The following ME3 variants were observed in gnomAD, a reference collection of about 807,000 sequenced individuals.
The protein encoded by ME3 is malic enzyme 3, also known as NADP-dependent malic enzyme, mitochondrial.
A neutral mutation model predicts 68.9 loss-of-function variants in ME3; 48 were observed. The ratio of observed to expected loss-of-function variants is 0.70; its 90% CI spans 0.55 to 0.89. The LOEUF (loss-of-function observed/expected upper bound fraction) is 0.89, where lower values mean the gene tolerates loss of function less well. Ranked by LOEUF, ME3 falls within the 40% of genes least tolerant of loss-of-function variation. ME3 has a pLI of 0.00. For missense variants in ME3, 675 were observed against 797.4 expected, an observed-to-expected ratio of 0.85 and a Z score of 1.85; for synonymous variants, 320 against 318.8, an observed-to-expected ratio of 1.00 and a Z score of -0.04.
chr11:86,652,981 A>C (rs895971941), intron 2 of ME3, among the ~76,000 whole-genome samples: 2 of 152,164 alleles, frequency 1.3e-5, no homozygotes, highest in African/African-American at 2.4e-5. Context: ...ACCAACAAAA[A>C]TCAAAAGAGA....
At position 86,510,702 on chromosome 11, in the gene ME3, C is replaced by T. The variant is rs1354301523; in HGVS notation, c.468-1835G>A. Reference sequence around the variant, plus strand: ...GCACCTCTCACTACATTGTGACAACCAAGAATATCTCCAGACGTTGGCAAA... The same window carrying T: ...GCACCTCTCACTACATTGTGACAACTAAGAATATCTCCAGACGTTGGCAAA... On this transcript the variant is annotated intron_variant, in intron 4 of 14. Transcript: ENST00000543262. Among the ~76,000 whole-genome samples the T allele has an allele frequency of 2.0e-5, 3 of 152,128 alleles. No individual in the cohort carries two copies. In the South Asian group the frequency reaches 6.2e-4, roughly 32 times the overall value.
intron 2 of ME3, among the ~76,000 whole-genome samples, chr11:86,597,931 C>G (rs998870790): frequency 2.6e-5 from 4 of 152,030 alleles, no homozygotes; most frequent in African/African-American, 9.7e-5. Flanking sequence ...ATGTTTTTAA[C>G]TGGCAATTGG....
intron 2 of ME3, among the ~76,000 whole-genome samples, chr11:86,619,558 T>C (rs2135255898): frequency 6.6e-6 from 1 of 152,324 alleles, no homozygotes; most frequent in African/African-American, 2.4e-5. Context: ...ACTGTTCTAG[T>C]GGTGGTGAAT....
At chr11:86,608,970 G>A (rs192160458) in intron 2 of ME3, among the ~76,000 whole-genome samples, 2 of 152,260 alleles carry the variant, frequency 1.3e-5, no homozygotes, top group East Asian at 1.9e-4. Context: ...CAATGATTGA[G>A]CTCTTATGTG....
chr11:86,598,614 C>A (rs982452430), intron 2 of ME3, among the ~76,000 whole-genome samples: 2 of 152,024 alleles, frequency 1.3e-5, no homozygotes, highest in Non-Finnish European at 2.9e-5. Flanking sequence ...TCCCAGCATG[C>A]AGCTGGAGAT....
chr11:86,616,137 GTAAAT>G (rs952862886), intron 2 of ME3, among the ~76,000 whole-genome samples: 2 of 152,098 alleles, frequency 1.3e-5, no homozygotes, highest in African/African-American at 2.4e-5. Flanking sequence ...ACCCATTTTG[GTAAAT>G]ATCTTTTTAA....
At chr11:86,541,047 C>A (rs149909233) in intron 4 of ME3, among the ~76,000 whole-genome samples, 394 of 152,260 alleles carry the variant, frequency 2.6e-3, no homozygotes, top group African/African-American at 8.5e-3. Context: ...TCAGGGAACT[C>A]CCTCCCCTAG....
At chr11:86,450,057 TTTATC>T (rs1949545487) in intron 9 of ME3, 55 bp from the exon 10 acceptor site, 2 of 1,370,016 alleles carry the variant, frequency 1.5e-6, no homozygotes. Context: ...CTGCTGAACA[TTTATC>T]TGATGTCTTG....
At chr11:86,442,988 T>C (rs1949088319) in intron 13 of ME3, 69 bp from the exon 14 acceptor site, 6 of 1,266,970 alleles carry the variant, frequency 4.7e-6, no homozygotes, top group Non-Finnish European at 6.8e-6. Flanking sequence ...CCCAACCCGT[T>C]ACCCCAGAGA....
chr11:86,521,480 C>CT (rs1954306795), intron 4 of ME3, among the ~76,000 whole-genome samples: 1 of 144,942 alleles, frequency 6.9e-6, no homozygotes, highest in African/African-American at 2.6e-5. Flanking sequence ...ATCATTAAAT[C>CT]TATCTCACTA....
intron 4 of ME3, among the ~76,000 whole-genome samples, chr11:86,530,629 T>C (rs1387148040): frequency 1.3e-5 from 2 of 152,176 alleles, no homozygotes; most frequent in Non-Finnish European, 2.9e-5. Flanking sequence ...CAAAACAGCA[T>C]GGTACTGGAA....
chr11:86,643,680 A>T (rs1045656141), intron 2 of ME3, among the ~76,000 whole-genome samples: 24 of 152,300 alleles, frequency 1.6e-4, no homozygotes, highest in African/African-American at 5.3e-4. Flanking sequence ...ATAATATGAA[A>T]CCTATTATAC....
chr11:86,595,306 TAGAGAGAGAGAG>T lies in ME3; in HGVS notation c.184-35495_184-35484del, dbSNP rs34224480. 9.4e-4 allele frequency among the ~76,000 whole-genome samples: 75 copies of T among 79,826 alleles called. 5 individuals are homozygous for T. The highest frequency in any genetic ancestry group is 2.8e-3 in the African/African-American group (70 of 25,422). The allele number at this position is 79,826 out of a possible 152,430, so 52.4% of individuals were successfully genotyped here. On this transcript the variant is annotated intron_variant, in intron 2 of 14. Coordinates refer to ENST00000543262, the Ensembl canonical transcript of ME3. ...ATATACATATACATATATATATATATAGAGAGAGAGAGAGAGAGAGAGAGAGCTTATTATGTA... is the reference window on the plus strand; with the variant it reads ...ATATACATATACATATATATATATATAGAGAGAGAGAGAGCTTATTATGTA...
intron 2 of ME3, among the ~76,000 whole-genome samples, chr11:86,563,224 A>G (rs2139492295): frequency 6.6e-6 from 1 of 152,072 alleles, no homozygotes; most frequent in African/African-American, 2.4e-5. Context: ...GCTCTGTTTT[A>G]ACTTTGAGAA....
intron 2 of ME3, among the ~76,000 whole-genome samples, chr11:86,647,433 C>T (rs1200233208): frequency 6.6e-6 from 1 of 151,234 alleles, no homozygotes; most frequent in Admixed American, 6.6e-5. Context: ...TGCAGTGAGC[C>T]GACATCATGC....
chr11:86,551,884 C>A (rs1956705299), intron 4 of ME3, among the ~76,000 whole-genome samples: 1 of 152,224 alleles, frequency 6.6e-6, no homozygotes, highest in East Asian at 1.9e-4. Context: ...ACTTCCCAGC[C>A]TCACCTTTCT....
At chr11:86,474,818 C>T (rs1331014249) in intron 7 of ME3, among the ~76,000 whole-genome samples, 1 of 152,196 alleles carries the variant, frequency 6.6e-6, no homozygotes, top group Non-Finnish European at 1.5e-5. Flanking sequence ...CAGGCAAGGC[C>T]ATTGGCTGCG....
chr11:86,651,964 C>G (rs1205450940), intron 2 of ME3, among the ~76,000 whole-genome samples: 1 of 152,056 alleles, frequency 6.6e-6, no homozygotes. Context: ...CCTCAGTAGC[C>G]GATTCGATCA....
chr11:86,487,777 G>A (rs1466353750), intron 6 of ME3, among the ~76,000 whole-genome samples: 1 of 152,082 alleles, frequency 6.6e-6, no homozygotes, highest in East Asian at 1.9e-4. Flanking sequence ...ATTTTGGCTG[G>A]GATAATTCTT....
Sources: gnomAD v4.1 joint callset for allele counts (sites outside exome capture counted in the v4.1 genomes callset) on GRCh38, gnomAD v4.1.1 for gene constraint, MANE v1.5 for transcripts, NCBI Gene and HGNC (gene_info 2026-07-23, HGNC 2026-07-21) for gene names.